The following CD8B variants were observed in gnomAD, a reference collection of about 807,000 sequenced individuals.
The protein encoded by CD8B is T-cell surface glycoprotein CD8 beta chain.
Under a neutral mutation model 24.2 loss-of-function variants are expected in CD8B, and 6 were observed. The ratio of observed to expected loss-of-function variants is 0.25; its 90% CI spans 0.14 to 0.49. The LOEUF (loss-of-function observed/expected upper bound fraction) is 0.49. Among genes scored for constraint, CD8B ranks in the 20% least tolerant of loss-of-function variants. The pLI, the probability that CD8B is intolerant of heterozygous loss-of-function variation, is 0.98. For synonymous variants in CD8B, 84 were observed against 108.3 expected (o/e 0.78, Z 1.39); for missense variants, 196 against 271.3 (o/e 0.72, Z 1.95).
intron 5 of CD8B, among the ~76,000 whole-genome samples, chr2:86,817,964 C>A (rs1346479618): frequency 6.6e-6 from 1 of 152,128 alleles, no homozygotes. Context: ...AATCCCAGCA[C>A]TTTGGGAGGC....
At chr2:86,855,116 C>CAA (rs978760413) in intron 2 of CD8B, among the ~76,000 whole-genome samples, 2 of 112,614 alleles carry the variant, frequency 1.8e-5, no homozygotes, top group Non-Finnish European at 3.8e-5. Context: ...GACTCCGTCT[C>CAA]AAAAAAAAAA....
chr2:86,861,842 G>A lies in CD8B; in HGVS notation c.24C>T (p.Leu8=). Residue 8 remains leucine (L), a synonymous_variant, in exon 1 of 6, where the codon CTC becomes CTT. Coordinates refer to ENST00000390655, the MANE Select transcript of CD8B (RefSeq NM_004931.5). MRPRLWL[L]LAAQLTVLHG... Reference sequence around the variant, plus strand: ...CCTTACCTGTCAGCTGCGCGGCCAAGAGGAGCCACAGCCGCGGCCGCATCG... The same window carrying A: ...CCTTACCTGTCAGCTGCGCGGCCAAAAGGAGCCACAGCCGCGGCCGCATCG... The A allele has an allele frequency of 7.8e-7, 1 of 1,286,918 alleles. No homozygotes were observed. The highest frequency in any genetic ancestry group is 9.8e-7 in the Non-Finnish European group (1 of 1,018,658). The allele number at this position is 1,286,918 out of a possible 1,614,324, so 79.7% of individuals were successfully genotyped here. A position where few individuals can be genotyped will look rare whatever the true frequency, so the allele number is the denominator to read the frequency against.
At chr2:86,844,853 T>C (rs374072931) in intron 5 of CD8B, 69 bp downstream of exon 5, 1 of 1,553,154 alleles carries the variant, frequency 6.4e-7, no homozygotes, top group African/African-American at 1.4e-5. Context: ...GGCTCCTCGC[T>C]GCAGTTAGAG....
chr2:86,847,729 C>T (rs1264581485), intron 3 of CD8B, among the ~76,000 whole-genome samples: 1 of 152,160 alleles, frequency 6.6e-6, no homozygotes, highest in Admixed American at 6.5e-5. Flanking sequence ...TCATGCCTGG[C>T]TAATTTTTGT....
chr2:86,846,512 G>A (rs1675683839), intron 4 of CD8B, among the ~76,000 whole-genome samples, 172 bp downstream of exon 4: 6 of 152,158 alleles, frequency 3.9e-5, no homozygotes. Flanking sequence ...GTAGTCTTTG[G>A]TTTTGGCTGC....
At chr2:86,832,860 A>C (rs1321783916) in intron 5 of CD8B, 1 of 183,478 alleles carries the variant, frequency 5.5e-6, no homozygotes, top group Non-Finnish European at 1.2e-5. Flanking sequence ...ATTTAAATGA[A>C]ATTTATCCCT....
chr2:86,857,749 A>T (rs1368427262), intron 2 of CD8B, among the ~76,000 whole-genome samples: 3 of 152,116 alleles, frequency 2.0e-5, no homozygotes, highest in African/African-American at 7.2e-5. Context: ...AATAAATAAA[A>T]AAGAGAAGCA....
rs1305571026 is a variant in CD8B at position 86,841,809 on chromosome 2, G to T, written c.*498C>A. 1.0e-6 allele frequency: 1 copy of T among 985,662 alleles called. No homozygotes were observed. Among genetic ancestry groups the T allele is most frequent in the East Asian group, 1.1e-4 (1 of 8,814 alleles). The allele number at this position is 985,662 out of a possible 1,614,324, so 61.1% of individuals were successfully genotyped here. A position where few individuals can be genotyped will look rare whatever the true frequency, so the allele number is the denominator to read the frequency against. On this transcript the variant is annotated 3_prime_UTR_variant, in exon 6 of 6. Coordinates refer to ENST00000390655, the MANE Select transcript of CD8B (RefSeq NM_004931.5). ...TGATATGCCTTCTGGGAACTGGACA[G>T]CCCCTCTCAGCAAGCCTCATTCCCA...
At chr2:86,857,881 A>G (rs529435528) in intron 2 of CD8B, among the ~76,000 whole-genome samples, 176 bp downstream of exon 2, 1 of 152,220 alleles carries the variant, frequency 6.6e-6, no homozygotes, top group East Asian at 1.9e-4. Context: ...AACTATGTAA[A>G]CACTTGGAGG....
At chr2:86,825,852 A>G (rs1048557115) in intron 5 of CD8B, among the ~76,000 whole-genome samples, 1 of 152,058 alleles carries the variant, frequency 6.6e-6, no homozygotes, top group African/African-American at 2.4e-5. Flanking sequence ...TTATTGTCCT[A>G]CCTGACTGTA....
At chr2:86,846,927 A>C (rs11694078) in intron 3 of CD8B, among the ~76,000 whole-genome samples, 154 bp from the exon 4 acceptor site, 13,352 of 58,582 alleles carry the variant, frequency 0.23, 2,663 homozygotes, top group East Asian at 0.39. Context: ...TTCCTCAAGT[A>C]TTTTTTTTTT....
chr2:86,846,251 C>T (rs1248851339), intron 4 of CD8B, among the ~76,000 whole-genome samples: 15 of 152,190 alleles, frequency 9.9e-5, no homozygotes, highest in Non-Finnish European at 1.6e-4. Context: ...CTTCTAGGAA[C>T]ACAACACAAA....
At chr2:86,825,282 G>T (rs1674631977) in intron 5 of CD8B, among the ~76,000 whole-genome samples, 1 of 152,272 alleles carries the variant, frequency 6.6e-6, no homozygotes. Flanking sequence ...CCCAGGGATG[G>T]CGGCAGCTCT....
At chr2:86,836,525 C>T (rs181790277), downstream of CD8B, among the ~76,000 whole-genome samples, 451 of 152,318 alleles carry the variant, frequency 3.0e-3, no homozygotes, top group Non-Finnish European at 4.3e-3. Flanking sequence ...GTGGCTCATG[C>T]CTGTAATCCC....
chr2:86,833,451 T>C, downstream of CD8B, among the ~76,000 whole-genome samples: 1 of 137,246 alleles, frequency 7.3e-6, no homozygotes, highest in East Asian at 2.1e-4. Context: ...AGTACTGAAA[T>C]TACAGGTGTG....
At chr2:86,820,338 T>C (rs1257181788) in intron 5 of CD8B, among the ~76,000 whole-genome samples, 1 of 152,226 alleles carries the variant, frequency 6.6e-6, no homozygotes, top group Middle Eastern at 3.2e-3. Flanking sequence ...AGTCAATCAA[T>C]GTGGCAAGAT....
intron 5 of CD8B, among the ~76,000 whole-genome samples, chr2:86,832,203 G>T (rs1445002736): frequency 6.6e-6 from 1 of 152,218 alleles, no homozygotes; most frequent in Non-Finnish European, 1.5e-5. Context: ...AGAAGGATAG[G>T]TGCAGTGGCT....
intron 4 of CD8B, among the ~76,000 whole-genome samples, chr2:86,845,522 CT>C (rs1482240342): frequency 2.0e-5 from 3 of 152,252 alleles, no homozygotes; most frequent in Admixed American, 2.0e-4. Context: ...ACTTGAACTC[CT>C]GGGCTCAAGT....
intron 2 of CD8B, among the ~76,000 whole-genome samples, chr2:86,854,814 A>G (rs542850354): frequency 6.7e-4 from 102 of 152,172 alleles, no homozygotes; most frequent in African/African-American, 1.8e-3. Flanking sequence ...CAGAAAAAAA[A>G]AAAAGAAAAG....
Sources: gnomAD v4.1 joint callset for allele counts (sites outside exome capture counted in the v4.1 genomes callset) on GRCh38, gnomAD v4.1.1 for gene constraint, MANE v1.5 for transcripts, NCBI Gene and HGNC (gene_info 2026-07-23, HGNC 2026-07-21) for gene names.